The following MECOM variants were observed in gnomAD, a reference collection of about 807,000 sequenced individuals.
MECOM encodes MDS1 and EVI1 complex locus.
MECOM carries 13 observed loss-of-function variants against 116.3 expected under a neutral mutation model. That is an observed-to-expected ratio of 0.11 (90% CI 0.07 to 0.18). The LOEUF is 0.18. Among genes scored for constraint, MECOM ranks in the 10% least tolerant of loss-of-function variants. The pLI is 1.00. For synonymous variants in MECOM, 528 were observed against 535.2 expected (o/e 0.99, Z 0.19); for missense variants, 1,299 against 1,509.0 (o/e 0.86, Z 2.31).
At chr3:169,208,455 C>G (rs376489847) in intron 2 of MECOM, among the ~76,000 whole-genome samples, 26 of 151,820 alleles carry the variant, frequency 1.7e-4, no homozygotes, top group East Asian at 1.4e-3. Context: ...ATAATTCAAG[C>G]AGTCAAGTTA....
intron 1 of MECOM, among the ~76,000 whole-genome samples, chr3:169,413,126 G>C (rs1452013979): frequency 6.6e-6 from 1 of 152,218 alleles, no homozygotes; most frequent in Non-Finnish European, 1.5e-5. Context: ...CAGAAGGCAG[G>C]TGATTTCTGC....
At chr3:169,090,514 G>C (rs1719362851) in intron 14 of MECOM, among the ~76,000 whole-genome samples, 3 of 151,994 alleles carry the variant, frequency 2.0e-5, no homozygotes, top group Admixed American at 2.0e-4. Context: ...ATCAGACTTT[G>C]CTTGATAATT....
intron 1 of MECOM, among the ~76,000 whole-genome samples, chr3:169,565,750 AG>A (rs1763158933): frequency 1.3e-5 from 2 of 152,092 alleles, no homozygotes; most frequent in Non-Finnish European, 2.9e-5. Context: ...TTAGTGAGAG[AG>A]TTTGAATCTG....
chr3:169,199,234 T>G (rs1173632858), intron 2 of MECOM, among the ~76,000 whole-genome samples: 1 of 152,020 alleles, frequency 6.6e-6, no homozygotes, highest in Non-Finnish European at 1.5e-5. Context: ...AGAACCTGCT[T>G]TGAGGTTACT....
intron 2 of MECOM, among the ~76,000 whole-genome samples, chr3:169,375,242 C>T (rs1185581040): frequency 1.3e-5 from 2 of 151,864 alleles, no homozygotes; most frequent in South Asian, 2.1e-4. Flanking sequence ...AAATCAACAC[C>T]TTAACATCAC....
At chr3:169,631,321 G>A (rs1261177818) in intron 1 of MECOM, among the ~76,000 whole-genome samples, 1 of 152,204 alleles carries the variant, frequency 6.6e-6, no homozygotes, top group Non-Finnish European at 1.5e-5. Context: ...CAAATGGAAA[G>A]TCAGTATCTT....
intron 1 of MECOM, among the ~76,000 whole-genome samples, chr3:169,425,642 A>C (rs1458210069): frequency 6.6e-6 from 1 of 152,208 alleles, no homozygotes; most frequent in East Asian, 1.9e-4. Flanking sequence ...TAGAAAAGGC[A>C]TTTTGATTGG....
intron 2 of MECOM, among the ~76,000 whole-genome samples, chr3:169,191,892 TATATGTC>T (rs1376802535): frequency 6.6e-6 from 1 of 151,978 alleles, no homozygotes; most frequent in Non-Finnish European, 1.5e-5. Context: ...ACACTGCAGA[TATATGTC>T]AGATTGTGAA....
chr3:169,552,361 C>T (rs959947553), intron 1 of MECOM, among the ~76,000 whole-genome samples: 2 of 151,760 alleles, frequency 1.3e-5, no homozygotes, highest in African/African-American at 4.8e-5. Context: ...TACAAAAGCC[C>T]TTTGGCCATT....
chr3:169,228,332 C>T (rs1338381568), intron 2 of MECOM, among the ~76,000 whole-genome samples: 4 of 152,204 alleles, frequency 2.6e-5, no homozygotes, highest in Non-Finnish European at 5.9e-5. Context: ...GCAATATCTG[C>T]TGCCACTTGA....
intron 8 of MECOM, among the ~76,000 whole-genome samples, chr3:169,114,972 A>G (rs575885673): frequency 7.2e-5 from 11 of 152,156 alleles, no homozygotes; most frequent in African/African-American, 2.4e-4. Flanking sequence ...AAAAGAGTGG[A>G]CTCTTGCTGT....
At chr3:169,378,456 A>G (rs866313819) in intron 2 of MECOM, among the ~76,000 whole-genome samples, 90 of 51,632 alleles carry the variant, frequency 1.7e-3, no homozygotes, top group African/African-American at 0.011. Flanking sequence ...AAAGAAGGAA[A>G]GCAAGCAAGC....
At chr3:169,428,004 C>T (rs1039410641) in intron 1 of MECOM, among the ~76,000 whole-genome samples, 1 of 152,146 alleles carries the variant, frequency 6.6e-6, no homozygotes, top group South Asian at 2.1e-4. Flanking sequence ...GAGATTAGAA[C>T]ACAGTCAATG....
chr3:169,323,466 A>C (rs1721270250), intron 2 of MECOM, among the ~76,000 whole-genome samples: 2 of 152,192 alleles, frequency 1.3e-5, no homozygotes, highest in Admixed American at 1.3e-4. Context: ...TGGACGGCCT[A>C]TGAATTAGAG....
chr3:169,280,839 T>C (rs1446987200), intron 2 of MECOM, among the ~76,000 whole-genome samples: 2 of 152,166 alleles, frequency 1.3e-5, no homozygotes, highest in Non-Finnish European at 2.9e-5. Context: ...TCTGGGGCTG[T>C]TGTGATGGCC....
At chr3:169,323,743 G>C (rs556803082) in intron 2 of MECOM, among the ~76,000 whole-genome samples, 1 of 152,186 alleles carries the variant, frequency 6.6e-6, no homozygotes, top group Non-Finnish European at 1.5e-5. Context: ...GATAAAAATG[G>C]AGATTGTTTT....
rs572552501 is a variant in MECOM, at chr3:169,486,676, T to C, written c.38-105152A>G. Reference sequence around the variant, plus strand: ...AAAGGCTATCTCCTGGGATTTAGGATTGGAATAGAGAATGAGGAATATGCT... The same window carrying C: ...AAAGGCTATCTCCTGGGATTTAGGACTGGAATAGAGAATGAGGAATATGCT... On this transcript the variant is annotated intron_variant, in intron 1 of 16. Coordinates refer to ENST00000651503, the MANE Select transcript of MECOM (RefSeq NM_004991.4). 3.8e-4 allele frequency among the ~76,000 whole-genome samples: 58 copies of C among 152,142 alleles called. 1 individual carries two copies. In the East Asian group the frequency reaches 7.7e-3, roughly 20 times the overall value.
chr3:169,283,014 T>G (rs1335770537), intron 2 of MECOM, among the ~76,000 whole-genome samples: 1 of 152,144 alleles, frequency 6.6e-6, no homozygotes, highest in Non-Finnish European at 1.5e-5. Context: ...TCAAAGTATA[T>G]GCTGACTTCA....
At chr3:169,373,390 C>T (rs1730472623) in intron 2 of MECOM, among the ~76,000 whole-genome samples, 1 of 151,890 alleles carries the variant, frequency 6.6e-6, no homozygotes, top group African/African-American at 2.4e-5. Context: ...AAGTACCTTA[C>T]TTGGGAAATA....
Sources: allele counts gnomAD v4.1 joint callset (sites outside exome capture counted in the v4.1 genomes callset), GRCh38; gene constraint gnomAD v4.1.1; transcripts MANE v1.5; gene names NCBI Gene and HGNC (gene_info 2026-07-23, HGNC 2026-07-21).